C9: variants seen among roughly 807,000 people sequenced by gnomAD.
C9 encodes the protein complement C9.
C9 carries 63 observed loss-of-function variants against 65.4 expected under a neutral mutation model. The ratio of observed to expected loss-of-function variants is 0.96; its 90% CI spans 0.79 to 1.19. The LOEUF is 1.19. C9 is among the 50% of genes most tolerant of loss of function. The pLI is 0.00. For synonymous variants in C9, 229 were observed against 227.9 expected, an observed-to-expected ratio of 1.00 and a Z score of -0.04; for missense variants, 744 against 670.1, an observed-to-expected ratio of 1.11 and a Z score of -1.22.
intron 1 of C9, among the ~76,000 whole-genome samples, chr5:39,359,800 C>G (rs180683096): frequency 6.6e-6 from 1 of 152,160 alleles, no homozygotes; most frequent in South Asian, 2.1e-4. Flanking sequence ...TGTTAGCATT[C>G]CTCACTAGAT....
At chr5:39,308,141 AC>A in intron 8 of C9, 88 bp downstream of exon 8, 1 of 1,194,800 alleles carries the variant, frequency 8.4e-7, no homozygotes, top group African/African-American at 1.5e-5. Context: ...AAGAGGACAG[AC>A]AATTAAGAGG....
At chr5:39,328,437 A>C (rs1753788613) in intron 5 of C9, among the ~76,000 whole-genome samples, 1 of 152,186 alleles carries the variant, frequency 6.6e-6, no homozygotes, top group Admixed American at 6.5e-5. Context: ...ACTCAGTTGA[A>C]ATTATAATGC....
chr5:39,308,265 T>C lies in C9; in HGVS notation c.1205A>G (p.Lys402Arg). The change falls in exon 8 of 11, where the codon AAA (lysine) becomes AGA (arginine). Residue 402 changes from lysine (K) to arginine (R), a missense_variant. Physicochemically the swap from Lys to Arg is conservative, Grantham distance 26. Transcript: ENST00000263408. ...SEISVGAEFN[K>R]DDCVKRGEGR... ...CTCTCCCCTCTTTACACAATCATCT[T>C]TATTAAATTCAGCTCCAACAGAGAT... is the stretch of plus-strand genomic sequence containing the variant. 6.2e-7 allele frequency: 1 copy of C among 1,613,066 alleles called. No individual in the cohort carries two copies. The highest frequency in any genetic ancestry group is 1.1e-5 in the South Asian group (1 of 91,064).
chr5:39,285,960 T>C (rs114021764), intron 10 of C9, among the ~76,000 whole-genome samples: 2,340 of 152,206 alleles, frequency 0.015, 24 homozygotes, highest in Non-Finnish European at 0.025. Flanking sequence ...TCAACATGGA[T>C]GCTTGGAAGA....
intron 5 of C9, among the ~76,000 whole-genome samples, chr5:39,330,117 T>G (rs1467979876): frequency 6.6e-6 from 1 of 152,182 alleles, no homozygotes; most frequent in Non-Finnish European, 1.5e-5. Context: ...CAAACTCTTT[T>G]GGGGGTATTA....
chr5:39,325,768 T>A (rs1204366478), intron 5 of C9, among the ~76,000 whole-genome samples: 4 of 108,386 alleles, frequency 3.7e-5, no homozygotes, highest in Non-Finnish European at 7.3e-5. Context: ...CGAGACTCCA[T>A]CTCAAAAAAA....
chr5:39,352,492 G>T (rs183437727), intron 1 of C9, among the ~76,000 whole-genome samples: 1 of 152,066 alleles, frequency 6.6e-6, no homozygotes, highest in East Asian at 1.9e-4. Context: ...TTATTGTCTT[G>T]GCAAATGGCA....
At chr5:39,361,391 A>T (rs1754519869) in intron 1 of C9, among the ~76,000 whole-genome samples, 1 of 152,124 alleles carries the variant, frequency 6.6e-6, no homozygotes, top group African/African-American at 2.4e-5. Flanking sequence ...TACTCAATGT[A>T]TACCTTGTTT....
At chr5:39,333,613 C>G (rs750258228) in intron 4 of C9, among the ~76,000 whole-genome samples, 9 of 151,498 alleles carry the variant, frequency 5.9e-5, no homozygotes, top group Non-Finnish European at 1.3e-4. Flanking sequence ...TCTCCCCTTT[C>G]CATGGTCTCC....
In C9 at chr5:39,316,003, G is replaced by C; in HGVS notation, c.642C>G (p.Thr214=). 1 of 1,612,032 alleles carries C rather than the reference G, an allele frequency of 6.2e-7. No homozygotes were observed. Among genetic ancestry groups the C allele is most frequent in the Non-Finnish European group, 8.5e-7 (1 of 1,178,874 alleles). The change falls in exon 6 of 11, where the codon ACC becomes ACG. Residue 214 remains threonine, a synonymous_variant. Transcript: ENST00000263408. ...CTTCAATTTGTTCTTCGTAATGTTC[G>C]GTTCTGAAATTTTTCTCGCCTTTGG... ...YETKGEKNFR[T]EHYEEQIEAF...
At chr5:39,322,073 C>A (rs907666463) in intron 5 of C9, among the ~76,000 whole-genome samples, 1 of 151,976 alleles carries the variant, frequency 6.6e-6, no homozygotes, top group Admixed American at 6.6e-5. Context: ...ACACATGGAA[C>A]ATTCTCGTGG....
chr5:39,301,989 C>G (rs915056739), intron 9 of C9, among the ~76,000 whole-genome samples: 1 of 151,910 alleles, frequency 6.6e-6, no homozygotes. Flanking sequence ...AGAAATTCAT[C>G]TTGTTATACC....
intron 1 of C9, among the ~76,000 whole-genome samples, chr5:39,345,486 A>G (rs1012890265): frequency 1.3e-5 from 2 of 152,346 alleles, no homozygotes; most frequent in South Asian, 2.1e-4. Flanking sequence ...TCCTAAATAC[A>G]TATGCACCCA....
chr5:39,356,280 A>G (rs549153780), intron 1 of C9, among the ~76,000 whole-genome samples: 19 of 152,312 alleles, frequency 1.2e-4, no homozygotes, highest in African/African-American at 4.3e-4. Context: ...TAGACTCGAC[A>G]ACTCTTAGCT....
chr5:39,334,862 T>C (rs1283338503), intron 4 of C9, among the ~76,000 whole-genome samples: 2 of 152,148 alleles, frequency 1.3e-5, no homozygotes, highest in Non-Finnish European at 1.5e-5. Flanking sequence ...AATGGCAGTT[T>C]TGTGGAATAG....
intron 5 of C9, among the ~76,000 whole-genome samples, chr5:39,320,373 G>A (rs1398532837): frequency 1.3e-5 from 2 of 152,260 alleles, no homozygotes; most frequent in East Asian, 1.9e-4. Context: ...TAATTAGGGA[G>A]TTAAAGAACA....
At chr5:39,293,396 G>A (rs927362150) in intron 9 of C9, among the ~76,000 whole-genome samples, 1 of 151,816 alleles carries the variant, frequency 6.6e-6, no homozygotes, top group Non-Finnish European at 1.5e-5. Context: ...TAAACCAAAA[G>A]CAAGCAAGAG....
At chr5:39,310,992 C>T (rs979513793) in intron 7 of C9, 145 bp downstream of exon 7, 3 of 884,532 alleles carry the variant, frequency 3.4e-6, no homozygotes, top group African/African-American at 1.7e-5. Flanking sequence ...GTTTTAGGTG[C>T]CAAAGGGCAG....
At chr5:39,356,964 G>A (rs6890772) in intron 1 of C9, among the ~76,000 whole-genome samples, 4,048 of 152,238 alleles carry the variant, frequency 0.027, 188 homozygotes, top group African/African-American at 0.093. Flanking sequence ...CAAATAAAAC[G>A]TATCTCCAAG....
Sources: allele counts gnomAD v4.1 joint callset (sites outside exome capture counted in the v4.1 genomes callset), GRCh38; gene constraint gnomAD v4.1.1; transcripts MANE v1.5; gene names NCBI Gene and HGNC (gene_info 2026-07-23, HGNC 2026-07-21).